The following KCNH8 variants were observed in gnomAD, a reference collection of about 807,000 sequenced individuals.
KCNH8 encodes potassium voltage-gated channel subfamily H member 8, also known as voltage-gated delayed rectifier potassium channel KCNH8.
A neutral mutation model predicts 103.6 loss-of-function variants in KCNH8; 70 were observed. The observed-to-expected ratio is 0.68, with a 90% CI of 0.56 to 0.82. KCNH8 has a LOEUF of 0.82. Among genes scored for constraint, KCNH8 ranks in the 40% least tolerant of loss-of-function variants. KCNH8 has a pLI of 0.00. For synonymous variants in KCNH8, 498 were observed against 489.4 expected (o/e 1.02, Z -0.23); for missense variants, 1,217 against 1,329.9 (o/e 0.92, Z 1.32).
chr3:19,342,830 A>C (rs2065679837), intron 4 of KCNH8, 116 bp downstream of exon 4: 4 of 1,046,358 alleles, frequency 3.8e-6, no homozygotes, highest in Non-Finnish European at 5.5e-6. Context: ...TTTTTTTTCC[A>C]CTTTGGTTTG....
intron 7 of KCNH8, among the ~76,000 whole-genome samples, chr3:19,403,680 C>T (rs1363792872): frequency 6.6e-6 from 1 of 151,468 alleles, no homozygotes; most frequent in Non-Finnish European, 1.5e-5. Flanking sequence ...TTGAACCACT[C>T]ACACTGATAT....
chr3:19,192,235 AT>A (rs1210545472), intron 1 of KCNH8, among the ~76,000 whole-genome samples: 1 of 151,548 alleles, frequency 6.6e-6, no homozygotes, highest in African/African-American at 2.4e-5. Context: ...TTTGTCTCAT[AT>A]TTCTGGCACT....
At chr3:19,169,668 C>G (rs1029232284) in intron 1 of KCNH8, among the ~76,000 whole-genome samples, 8 of 152,192 alleles carry the variant, frequency 5.3e-5, no homozygotes, top group African/African-American at 1.9e-4. Flanking sequence ...CCTTTGGACC[C>G]TGGAGGCATT....
chr3:19,501,248 A>G (rs2068576191), intron 11 of KCNH8, among the ~76,000 whole-genome samples: 1 of 152,246 alleles, frequency 6.6e-6, no homozygotes, highest in Admixed American at 6.5e-5. Context: ...ATCTCTGAAT[A>G]GACCAATAAC....
chr3:19,465,659 A>T (rs377305981), intron 11 of KCNH8, among the ~76,000 whole-genome samples: 60 of 151,662 alleles, frequency 4.0e-4, no homozygotes, highest in African/African-American at 1.4e-3. Flanking sequence ...TAAGTTGAAA[A>T]CACTCTGGAA....
At position 19,500,965 on chromosome 3, in the gene KCNH8, T is replaced by C. The variant is rs144835431; in HGVS notation, c.2041-9398T>C. On this transcript the variant is annotated intron_variant, in intron 11 of 15. Coordinates refer to ENST00000328405, the MANE Select transcript of KCNH8 (RefSeq NM_144633.3). ...AGGAAATAGAGACACAAAAAACCCT[T>C]CAAAAATTTAACAAATCCAGGAGCT... 5.4e-4 allele frequency among the ~76,000 whole-genome samples: 82 copies of C among 152,100 alleles called. No homozygotes were observed. The East Asian group carries it at 0.015, about 28-fold the overall frequency.
At chr3:19,260,117 A>G (rs112259928) in intron 2 of KCNH8, among the ~76,000 whole-genome samples, 3 of 151,816 alleles carry the variant, frequency 2.0e-5, no homozygotes, top group African/African-American at 7.2e-5. Context: ...AGCCATCAAC[A>G]TGTCTAAAGG....
At chr3:19,372,605 C>A (rs1215695118) in intron 5 of KCNH8, among the ~76,000 whole-genome samples, 2 of 152,140 alleles carry the variant, frequency 1.3e-5, no homozygotes, top group African/African-American at 2.4e-5. Context: ...CCGTTTATTT[C>A]CTTCTCCTGC....
chr3:19,182,889 T>C (rs561632141), intron 1 of KCNH8, among the ~76,000 whole-genome samples: 41 of 152,356 alleles, frequency 2.7e-4, no homozygotes, highest in South Asian at 1.0e-3. Flanking sequence ...AAATAGTTGT[T>C]TTTAAGCCAC....
intron 5 of KCNH8, among the ~76,000 whole-genome samples, chr3:19,383,060 A>G (rs995134366): frequency 6.6e-6 from 1 of 152,154 alleles, no homozygotes; most frequent in Non-Finnish European, 1.5e-5. Context: ...TGTTCTCACA[A>G]TTTTGGCCAA....
At chr3:19,332,249 C>A (rs1296526712) in intron 3 of KCNH8, among the ~76,000 whole-genome samples, 1 of 152,028 alleles carries the variant, frequency 6.6e-6, no homozygotes, top group Non-Finnish European at 1.5e-5. Context: ...ACAGTCATAC[C>A]AACCCCATCA....
At chr3:19,408,436 A>G (rs545030945) in intron 7 of KCNH8, among the ~76,000 whole-genome samples, 2 of 152,148 alleles carry the variant, frequency 1.3e-5, no homozygotes, top group African/African-American at 4.8e-5. Context: ...CCAAAACAAG[A>G]ATGCTGGCAT....
intron 11 of KCNH8, among the ~76,000 whole-genome samples, chr3:19,489,755 G>A (rs1434599780): frequency 6.6e-6 from 1 of 151,982 alleles, no homozygotes; most frequent in Non-Finnish European, 1.5e-5. Flanking sequence ...GGTAAAGAGG[G>A]CACACACACA....
chr3:19,363,811 A>G (rs766285263), intron 5 of KCNH8, among the ~76,000 whole-genome samples: 1 of 152,162 alleles, frequency 6.6e-6, no homozygotes, highest in Non-Finnish European at 1.5e-5. Flanking sequence ...ATTTCATTGT[A>G]TAAGCAAATC....
intron 2 of KCNH8, 89 bp from the exon 3 acceptor site, chr3:19,281,109 G>A: frequency 7.2e-7 from 1 of 1,385,524 alleles, no homozygotes; most frequent in South Asian, 1.3e-5. Flanking sequence ...AAAACACTAA[G>A]GGCTTTATTT....
At chr3:19,163,401 A>G (rs1463242906) in intron 1 of KCNH8, among the ~76,000 whole-genome samples, 2 of 145,766 alleles carry the variant, frequency 1.4e-5, no homozygotes. Flanking sequence ...TACTTAAAGA[A>G]TTATATTATT....
intron 11 of KCNH8, among the ~76,000 whole-genome samples, chr3:19,498,912 C>T (rs147344263): frequency 0.055 from 8,358 of 152,042 alleles, 238 homozygotes; most frequent in South Asian, 0.079. Context: ...GGGTCAGGGA[C>T]CCACTTGAGG....
intron 11 of KCNH8, among the ~76,000 whole-genome samples, chr3:19,473,173 A>G (rs1433135252): frequency 6.6e-6 from 1 of 152,230 alleles, no homozygotes; most frequent in Non-Finnish European, 1.5e-5. Flanking sequence ...GTCCACTAAC[A>G]TAATCTGCCA....
intron 8 of KCNH8, among the ~76,000 whole-genome samples, chr3:19,449,291 C>CATATATATAT (rs71055066): frequency 6.4e-5 from 9 of 140,142 alleles, no homozygotes; most frequent in African/African-American, 1.3e-4. Context: ...ACAAGAGTCC[C>CATATATATAT]ATATATATAT....
Sources: allele counts gnomAD v4.1 joint callset (sites outside exome capture counted in the v4.1 genomes callset), GRCh38; gene constraint gnomAD v4.1.1; transcripts MANE v1.5; gene names NCBI Gene and HGNC (gene_info 2026-07-23, HGNC 2026-07-21).